The following SERPINE3 variants were observed in gnomAD, a reference collection of about 807,000 sequenced individuals.
The protein encoded by SERPINE3 is serpin family E member 3.
A neutral mutation model predicts 41.7 loss-of-function variants in SERPINE3; 43 were observed. The observed-to-expected ratio is 1.03, with a 90% CI of 0.81 to 1.33. The LOEUF is 1.33. Among genes scored for constraint, SERPINE3 ranks in the 40% most tolerant of loss-of-function variants. The pLI is 0.00. For missense variants in SERPINE3, 440 were observed against 491.7 expected (o/e 0.89, Z 0.99); for synonymous variants, 200 against 192.2 (o/e 1.04, Z -0.34).
intron 6 of SERPINE3, among the ~76,000 whole-genome samples, chr13:51,349,791 A>G (rs2137788343): frequency 6.6e-6 from 1 of 152,360 alleles, no homozygotes; most frequent in East Asian, 1.9e-4. Flanking sequence ...TAACACAACT[A>G]TTAGTTAGCA....
intron 6 of SERPINE3, among the ~76,000 whole-genome samples, chr13:51,351,023 C>T (rs1252514845): frequency 6.6e-6 from 1 of 152,036 alleles, no homozygotes; most frequent in African/African-American, 2.4e-5. Flanking sequence ...TGATATAGTA[C>T]ATTTTGTTTA....
chr13:51,344,868 C>T (rs1955330738), intron 4 of SERPINE3, among the ~76,000 whole-genome samples: 1 of 151,820 alleles, frequency 6.6e-6, no homozygotes, highest in African/African-American at 2.4e-5. Context: ...CAAAGTGCAA[C>T]AGGAGCCAAA....
rs1955461518 is a variant in SERPINE3 at position 51,355,218 on chromosome 13, C to T, written c.1000+75C>T. On this transcript the variant is annotated intron_variant, in intron 7 of 9. Transcript: ENST00000681248. ...TTTATCATACTTTGATTAAGGGATTCTCATTTCAGAGTCAACATTATGTAA... is the reference window on the plus strand; with the variant it reads ...TTTATCATACTTTGATTAAGGGATTTTCATTTCAGAGTCAACATTATGTAA... 7.4e-6 allele frequency: 4 copies of T among 540,830 alleles called. No individual in the cohort carries two copies. In the South Asian group the frequency reaches 9.5e-5, roughly 13 times the overall value. The allele number at this position is 540,830 out of a possible 1,614,324, so 33.5% of individuals were successfully genotyped here.
At chr13:51,343,145 G>C (rs1342918270) in intron 3 of SERPINE3, among the ~76,000 whole-genome samples, 1 of 152,200 alleles carries the variant, frequency 6.6e-6, no homozygotes, top group Non-Finnish European at 1.5e-5. Context: ...TGTCAGAGGG[G>C]ACAGACCCCA....
At chr13:51,352,035 A>G (rs1324995693) in intron 6 of SERPINE3, among the ~76,000 whole-genome samples, 1 of 152,080 alleles carries the variant, frequency 6.6e-6, no homozygotes, top group East Asian at 1.9e-4. Context: ...AGTCTTCATT[A>G]CTGTAGTTTG....
At chr13:51,351,517 C>A (rs1247700008) in intron 6 of SERPINE3, among the ~76,000 whole-genome samples, 2 of 152,066 alleles carry the variant, frequency 1.3e-5, no homozygotes, top group Admixed American at 6.5e-5. Flanking sequence ...TGTAATAGTT[C>A]TTTATTCTGG....
chr13:51,348,910 T>G (rs1268811691), intron 6 of SERPINE3, among the ~76,000 whole-genome samples: 1 of 152,252 alleles, frequency 6.6e-6, no homozygotes, highest in African/African-American at 2.4e-5. Context: ...ACACTTTAAG[T>G]CTCTGTGCAG....
intron 5 of SERPINE3, among the ~76,000 whole-genome samples, chr13:51,347,832 C>G (rs886205555): frequency 6.6e-6 from 1 of 151,938 alleles, no homozygotes; most frequent in Non-Finnish European, 1.5e-5. Flanking sequence ...GTCATCAGAT[C>G]GAGAAAACAT....
At chr13:51,348,552 C>G in intron 6 of SERPINE3, 141 bp downstream of exon 6, 1 of 650,530 alleles carries the variant, frequency 1.5e-6, no homozygotes, top group South Asian at 1.9e-5. Context: ...GAAGTTAGAC[C>G]AAGAGGAAGT....
chr13:51,344,548 C>A, intron 4 of SERPINE3, 63 bp downstream of exon 4: 1 of 1,344,720 alleles, frequency 7.4e-7, no homozygotes, highest in Non-Finnish European at 1.0e-6. Flanking sequence ...AGAGTCTCAC[C>A]CATCACTTGT....
chr13:51,364,208 T>C lies in SERPINE3; in HGVS notation c.1172-31T>C, dbSNP rs1283305674. On this transcript the variant is annotated intron_variant, in intron 9 of 9. Transcript: ENST00000681248. The stretch of plus-strand genomic sequence containing the variant: ...TAAAGAACTGCATATGAAAATACTA[T>C]ATAATATTAAATTCTTCTTTTTCTT... 5 of 1,171,564 alleles carry C rather than the reference T, an allele frequency of 4.3e-6. No individual in the cohort carries two copies. In the African/African-American group the frequency reaches 7.7e-5, roughly 18 times the overall value. 72.6% of individuals were successfully genotyped at this position (1,171,564 alleles called of 1,614,324 possible).
chr13:51,352,445 C>T (rs992758948), intron 6 of SERPINE3, among the ~76,000 whole-genome samples: 1 of 151,784 alleles, frequency 6.6e-6, no homozygotes, highest in East Asian at 1.9e-4. Context: ...CTGTACCTTA[C>T]TGAACTCATT....
intron 5 of SERPINE3, among the ~76,000 whole-genome samples, chr13:51,347,958 C>CT (rs989406997): frequency 5.7e-5 from 5 of 88,420 alleles, no homozygotes; most frequent in Admixed American, 1.0e-4. Flanking sequence ...TGCCATCGTC[C>CT]CCCCCCCCAT....
intron 7 of SERPINE3, among the ~76,000 whole-genome samples, chr13:51,358,829 T>G (rs888632729): frequency 6.6e-6 from 1 of 152,008 alleles, no homozygotes; most frequent in African/African-American, 2.4e-5. Context: ...TATAGAATGT[T>G]GTATTGTAGG....
chr13:51,343,787 T>C (rs373839914), intron 3 of SERPINE3, among the ~76,000 whole-genome samples: 3 of 152,318 alleles, frequency 2.0e-5, no homozygotes, highest in African/African-American at 7.2e-5. Context: ...ACAAGACATA[T>C]TGACAGCACA....
Position 51,344,358 on chromosome 13 carries a change from G to A in SERPINE3, c.363G>A (p.Thr121=), listed in dbSNP as rs767468317. The A allele has an allele frequency of 1.9e-5, 31 of 1,613,582 alleles. No individual in the cohort carries two copies. Among genetic ancestry groups the A allele is most frequent in the East Asian group, 2.2e-5 (1 of 44,884 alleles). Residue 121 remains threonine, a synonymous_variant, in exon 4 of 10, where the codon ACG becomes ACA. Transcript: ENST00000681248. ...LACSLFVQVG[T]PLSPCFVEHV... is the part of the protein sequence containing the mutation. ...GCAGCCTTTTTGTGCAAGTGGGAAC[G>A]CCACTGTCCCCCTGCTTTGTGGAGC...
intron 6 of SERPINE3, among the ~76,000 whole-genome samples, chr13:51,351,952 T>C (rs1048541454): frequency 6.6e-6 from 1 of 152,034 alleles, no homozygotes; most frequent in African/African-American, 2.4e-5. Flanking sequence ...TGCCCATAAA[T>C]GTCTAAGTTT....
intron 9 of SERPINE3, chr13:51,363,794 G>C (rs1955631557): frequency 6.6e-6 from 1 of 152,482 alleles, no homozygotes; most frequent in African/African-American, 2.4e-5. Flanking sequence ...GTGGCAGAGA[G>C]ATAAAGGACA....
intron 4 of SERPINE3, 58 bp from the exon 5 acceptor site, chr13:51,346,967 G>C: frequency 1.5e-6 from 2 of 1,302,844 alleles, no homozygotes; most frequent in Non-Finnish European, 2.2e-6. Flanking sequence ...CACACACTGG[G>C]TTCGGTTCAG....
Sources: allele counts gnomAD v4.1 joint callset (sites outside exome capture counted in the v4.1 genomes callset), GRCh38; gene constraint gnomAD v4.1.1; transcripts MANE v1.5; gene names NCBI Gene and HGNC (gene_info 2026-07-23, HGNC 2026-07-21).